Variants in MAP3K7CL observed in about 807,000 individuals in gnomAD.
MAP3K7CL encodes MAP3K7 C-terminal-like protein.
Under a neutral mutation model 18.6 loss-of-function variants are expected in MAP3K7CL, and 16 were observed. The ratio of observed to expected loss-of-function variants is 0.86; its 90% CI spans 0.58 to 1.31. The LOEUF (loss-of-function observed/expected upper bound fraction) is 1.31. Ranked by LOEUF, MAP3K7CL falls within the 50% of genes most tolerant of loss-of-function variation. The pLI is 0.00. For synonymous variants in MAP3K7CL, 65 were observed against 66.8 expected (o/e 0.97, Z 0.13); for missense variants, 163 against 174.4 (o/e 0.93, Z 0.37).
chr21:29,119,275 C>T (rs2086554105), intron 4 of MAP3K7CL, among the ~76,000 whole-genome samples: 1 of 152,244 alleles, frequency 6.6e-6, no homozygotes, highest in Non-Finnish European at 1.5e-5. Flanking sequence ...TCAGCCCTGT[C>T]CCTGGAGGGC....
chr21:29,090,659 G>A (rs1271454249), intron 1 of MAP3K7CL, among the ~76,000 whole-genome samples: 1 of 152,144 alleles, frequency 6.6e-6, no homozygotes, highest in Non-Finnish European at 1.5e-5. Context: ...GATTACAGGT[G>A]TGAGCCACCG....
intron 1 of MAP3K7CL, among the ~76,000 whole-genome samples, chr21:29,091,281 TCATG>T (rs1235150986): frequency 6.6e-6 from 1 of 152,244 alleles, no homozygotes; most frequent in Non-Finnish European, 1.5e-5. Context: ...CCAATTTGAA[TCATG>T]CAGGAAACAT....
chr21:29,156,178 A>G (rs1357722224), intron 3 of MAP3K7CL, among the ~76,000 whole-genome samples: 9 of 152,258 alleles, frequency 5.9e-5, no homozygotes, highest in Non-Finnish European at 1.3e-4. Flanking sequence ...AAAATAATTA[A>G]CTATCAACAT....
At chr21:29,085,988 G>T in intron 1 of MAP3K7CL, 1 of 1,526,678 alleles carries the variant, frequency 6.6e-7, no homozygotes, top group Non-Finnish European at 9.1e-7. Context: ...TGAAAACAGG[G>T]TGGGAAAAAT....
chr21:29,077,378 C>G (rs1337190011), upstream of MAP3K7CL: 1 of 153,586 alleles, frequency 6.5e-6, no homozygotes, highest in Non-Finnish European at 1.4e-5. Context: ...CCCTCAACTG[C>G]CCGGGGCCGG....
At chr21:29,163,543 G>A (rs2087605946) in intron 4 of MAP3K7CL, among the ~76,000 whole-genome samples, 1 of 152,020 alleles carries the variant, frequency 6.6e-6, no homozygotes, top group African/African-American at 2.4e-5. Context: ...ACCTCCCTGG[G>A]GATGCCTTGG....
intron 4 of MAP3K7CL, among the ~76,000 whole-genome samples, chr21:29,121,347 G>A (rs936665369): frequency 1.5e-4 from 23 of 152,060 alleles, no homozygotes; most frequent in African/African-American, 5.1e-4. Context: ...CCATGAAGTG[G>A]AGTAAGTTAG....
At chr21:29,084,306 A>C (rs565656533), upstream of MAP3K7CL, among the ~76,000 whole-genome samples, 20 of 152,256 alleles carry the variant, frequency 1.3e-4, 1 homozygote, top group Middle Eastern at 3.4e-3. Context: ...TTCTATTAAA[A>C]ACAATAATGG....
upstream of MAP3K7CL, among the ~76,000 whole-genome samples, chr21:29,083,747 C>T (rs896001550): frequency 6.6e-6 from 1 of 151,732 alleles, no homozygotes; most frequent in Non-Finnish European, 1.5e-5. Context: ...TTCTTTTTTG[C>T]TCAGACTATC....
intron 2 of MAP3K7CL, among the ~76,000 whole-genome samples, chr21:29,147,331 G>A (rs570324338): frequency 3.3e-5 from 5 of 151,922 alleles, no homozygotes; most frequent in African/African-American, 9.7e-5. Context: ...TATATGCACT[G>A]TATATGTATC....
upstream of MAP3K7CL, among the ~76,000 whole-genome samples, chr21:29,082,108 T>G (rs954480306): frequency 2.6e-5 from 4 of 152,234 alleles, no homozygotes; most frequent in Non-Finnish European, 5.9e-5. Context: ...TACTTTTGGA[T>G]GAGCTAACTG....
intron 4 of MAP3K7CL, among the ~76,000 whole-genome samples, chr21:29,164,343 T>C (rs551149881): frequency 6.6e-6 from 1 of 152,374 alleles, no homozygotes; most frequent in South Asian, 2.1e-4. Flanking sequence ...TTTTGATGAT[T>C]CTGTTGAGAA....
chr21:29,160,792 C>G (rs1258963890), intron 4 of MAP3K7CL, among the ~76,000 whole-genome samples: 2 of 152,206 alleles, frequency 1.3e-5, no homozygotes, highest in African/African-American at 4.8e-5. Flanking sequence ...ACATCTCCTA[C>G]TAGGTGGTAA....
chr21:29,141,018 C>A (rs2086994822), intron 2 of MAP3K7CL, among the ~76,000 whole-genome samples: 1 of 152,318 alleles, frequency 6.6e-6, no homozygotes, highest in Non-Finnish European at 1.5e-5. Flanking sequence ...CTCAAGCAAT[C>A]CACTCACGTC....
intron 4 of MAP3K7CL, among the ~76,000 whole-genome samples, chr21:29,172,251 T>C (rs1484249609): frequency 2.1e-4 from 31 of 150,424 alleles, no homozygotes; most frequent in African/African-American, 2.9e-4. Flanking sequence ...CTTTTTTTTT[T>C]TTTTTTTTTT....
chr21:29,162,556 G>A (rs139460681), intron 4 of MAP3K7CL, among the ~76,000 whole-genome samples: 1,803 of 151,366 alleles, frequency 0.012, 32 homozygotes, highest in African/African-American at 0.041. Flanking sequence ...AGTGGTGGGC[G>A]CATGTAATCC....
chr21:29,156,238 G>A (rs1435169287), intron 3 of MAP3K7CL, among the ~76,000 whole-genome samples: 2 of 152,182 alleles, frequency 1.3e-5, no homozygotes, highest in Non-Finnish European at 2.9e-5. Context: ...TTATAACTAT[G>A]AAAATCTCTC....
chr21:29,081,573 T>C (rs1003200053), upstream of MAP3K7CL, among the ~76,000 whole-genome samples: 1 of 152,226 alleles, frequency 6.6e-6, no homozygotes, highest in African/African-American at 2.4e-5. Context: ...AAATTGTTTA[T>C]GGTCTGTAAG....
At chr21:29,167,844 C>T (rs56968346) in intron 4 of MAP3K7CL, among the ~76,000 whole-genome samples, 35,224 of 151,672 alleles carry the variant, frequency 0.23, 5,211 homozygotes, top group African/African-American at 0.42. Flanking sequence ...GGACTACAGG[C>T]GCCCGCCACC....
Sources: gnomAD v4.1 joint callset for allele counts (sites outside exome capture counted in the v4.1 genomes callset) on GRCh38, gnomAD v4.1.1 for gene constraint, MANE v1.5 for transcripts, NCBI Gene and HGNC (gene_info 2026-07-23, HGNC 2026-07-21) for gene names.